Variants in TENM3 observed in about 807,000 individuals in gnomAD.
TENM3 encodes the protein teneurin-3.
TENM3 carries 63 observed loss-of-function variants against 255.1 expected under a neutral mutation model. The ratio of observed to expected loss-of-function variants is 0.25; its 90% CI spans 0.20 to 0.30. The LOEUF is 0.30. TENM3 is among the 10% of genes least tolerant of loss of function. The pLI, the probability that TENM3 is intolerant of heterozygous loss-of-function variation, is 1.00. For synonymous variants in TENM3, 1,306 were observed against 1,322.3 expected, an observed-to-expected ratio of 0.99 and a Z score of 0.27; for missense variants, 2,929 against 3,461.1, an observed-to-expected ratio of 0.85 and a Z score of 3.86.
chr4:182,731,176 G>A (rs764748676), intron 16 of TENM3, 37 bp downstream of exon 16: 8 of 1,592,426 alleles, frequency 5.0e-6, no homozygotes, highest in Non-Finnish European at 6.9e-6. Context: ...GTAAATACAA[G>A]ATCTTCAGAT....
chr4:182,614,265 A>ATTAC (rs1184328831), intron 4 of TENM3, among the ~76,000 whole-genome samples: 2 of 152,142 alleles, frequency 1.3e-5, no homozygotes, highest in African/African-American at 2.4e-5. Context: ...TACATAGTAT[A>ATTAC]TTACTTCCTA....
Position 182,628,900 on chromosome 4 carries a change from G to A in TENM3, c.988+11G>A, listed in dbSNP as rs1751086367. ...TGTCTTATTTTATAGGTAAGAACAA[G>A]TTCTTAGAATTACTTTGTCTGTAAA... On this transcript the variant is annotated intron_variant, in intron 5 of 27. Coordinates refer to ENST00000511685, the MANE Select transcript of TENM3 (RefSeq NM_001080477.4). 6.8e-7 allele frequency: 1 copy of A among 1,475,406 alleles called. No homozygotes were observed. The highest frequency in any genetic ancestry group is 1.9e-5 in the Admixed American group (1 of 52,074). 91.4% of individuals were successfully genotyped at this position (1,475,406 alleles called of 1,614,324 possible).
chr4:182,437,143 A>T (rs958642688), intron 3 of TENM3, among the ~76,000 whole-genome samples: 1 of 152,206 alleles, frequency 6.6e-6, no homozygotes, highest in African/African-American at 2.4e-5. Flanking sequence ...AAATGTTACC[A>T]TATGGGGTAG....
chr4:181,911,277 T>C, the TENM3 span, among the ~76,000 whole-genome samples: 557 of 152,292 alleles, frequency 3.7e-3, 5 homozygotes, highest in African/African-American at 0.013. Context: ...ATCTGGAAAA[T>C]TGGGCGTCTT....
At chr4:182,030,099 A>G in the TENM3 span, among the ~76,000 whole-genome samples, 103,229 of 148,120 alleles carry the variant, frequency 0.7, 37,605 homozygotes, top group East Asian at 0.9. Context: ...TCAATTTACA[A>G]GATACATGTG....
chr4:182,439,203 C>A (rs915738513), intron 3 of TENM3, among the ~76,000 whole-genome samples: 29 of 152,206 alleles, frequency 1.9e-4, no homozygotes, highest in Admixed American at 1.6e-3. Context: ...CAGGACTAGA[C>A]AGTAATTGAG....
chr4:181,735,531 ACATAT>A, the TENM3 span, among the ~76,000 whole-genome samples: 1 of 152,092 alleles, frequency 6.6e-6, no homozygotes, highest in African/African-American at 2.4e-5. Flanking sequence ...TGTCTTATAA[ACATAT>A]CAAAGCAGAA....
chr4:181,760,969 T>TAC, the TENM3 span, among the ~76,000 whole-genome samples: 1,007 of 50,644 alleles, frequency 0.02, 14 homozygotes, highest in African/African-American at 0.056. Context: ...ACCACACACA[T>TAC]ACACACACAC....
At chr4:181,840,840 C>T in the TENM3 span, among the ~76,000 whole-genome samples, 97 of 152,240 alleles carry the variant, frequency 6.4e-4, 1 homozygote, top group African/African-American at 1.9e-3. Flanking sequence ...ACATGCTCCA[C>T]AAAGCAAAAT....
chr4:181,744,754 T>G, the TENM3 span, among the ~76,000 whole-genome samples: 3 of 152,170 alleles, frequency 2.0e-5, no homozygotes, highest in Admixed American at 6.5e-5. Context: ...TGCCAAAATT[T>G]GCAAATAGTT....
At chr4:181,955,092 T>A in the TENM3 span, among the ~76,000 whole-genome samples, 138 of 152,334 alleles carry the variant, frequency 9.1e-4, no homozygotes, top group African/African-American at 3.2e-3. Context: ...TAAGACTTTT[T>A]AAAAATCTCC....
chr4:181,905,807 G>A, the TENM3 span: 1 of 367,496 alleles, frequency 2.7e-6, no homozygotes, highest in Non-Finnish European at 5.2e-6. Context: ...AGTCTACCAG[G>A]TCATCATCAG....
intron 1 of TENM3, among the ~76,000 whole-genome samples, chr4:182,258,516 G>T (rs998929907): frequency 6.8e-6 from 1 of 147,914 alleles, no homozygotes; most frequent in Non-Finnish European, 1.5e-5. Flanking sequence ...TTGCAAGAAA[G>T]CCATTTTCCC....
the TENM3 span, among the ~76,000 whole-genome samples, chr4:181,609,741 G>A: frequency 6.6e-6 from 1 of 152,194 alleles, no homozygotes; most frequent in Non-Finnish European, 1.5e-5. Context: ...GATTTGAAAT[G>A]TATCTGGTCA....
chr4:181,767,575 G>A, the TENM3 span, among the ~76,000 whole-genome samples: 1 of 151,998 alleles, frequency 6.6e-6, no homozygotes, highest in African/African-American at 2.4e-5. Context: ...GAATGTGGAG[G>A]CTTCAGAATC....
At chr4:182,004,858 T>A in the TENM3 span, among the ~76,000 whole-genome samples, 4 of 152,172 alleles carry the variant, frequency 2.6e-5, no homozygotes, top group Non-Finnish European at 5.9e-5. Context: ...TTGTTGACCA[T>A]GTAAATGTCT....
chr4:181,969,452 A>G, the TENM3 span, among the ~76,000 whole-genome samples: 1 of 152,200 alleles, frequency 6.6e-6, no homozygotes. Context: ...TGAGCATAAA[A>G]TGTGGTAGAA....
the TENM3 span, among the ~76,000 whole-genome samples, chr4:181,467,148 T>TTTTTTTGGG: frequency 1.8e-5 from 2 of 109,198 alleles, no homozygotes; most frequent in African/African-American, 7.7e-5. Flanking sequence ...TTTTTTTTTT[T>TTTTTTTGGG]AGGCAGAGTC....
chr4:181,680,391 C>G, the TENM3 span, among the ~76,000 whole-genome samples: 2 of 151,876 alleles, frequency 1.3e-5, no homozygotes, highest in African/African-American at 4.8e-5. Flanking sequence ...TTTAATTTGT[C>G]AAAAAAATTG....
Sources: gnomAD v4.1 joint callset for allele counts (sites outside exome capture counted in the v4.1 genomes callset) on GRCh38, gnomAD v4.1.1 for gene constraint, MANE v1.5 for transcripts, NCBI Gene and HGNC (gene_info 2026-07-23, HGNC 2026-07-21) for gene names.